PAK5: variants seen among roughly 807,000 people sequenced by gnomAD.
PAK5 encodes the protein serine/threonine-protein kinase PAK 5.
A neutral mutation model predicts 65.9 loss-of-function variants in PAK5; 16 were observed. That is an observed-to-expected ratio of 0.24 (90% CI 0.16 to 0.37). The LOEUF is 0.37. Ranked by LOEUF, PAK5 falls within the 10% of genes least tolerant of loss-of-function variation. PAK5 has a pLI of 1.00. For missense variants in PAK5, 785 were observed against 903.9 expected, an observed-to-expected ratio of 0.87 and a Z score of 1.69; for synonymous variants, 371 against 354.9, an observed-to-expected ratio of 1.05 and a Z score of -0.51.
chr20:9,567,800 G>A (rs1211801762), intron 4 of PAK5, among the ~76,000 whole-genome samples: 2 of 152,220 alleles, frequency 1.3e-5, no homozygotes, highest in Admixed American at 1.3e-4. Flanking sequence ...GTGTGTTTCA[G>A]TAGTAATGAA....
At chr20:9,602,245 C>T (rs2046373298) in intron 3 of PAK5, among the ~76,000 whole-genome samples, 1 of 150,652 alleles carries the variant, frequency 6.6e-6, no homozygotes, top group South Asian at 2.1e-4. Flanking sequence ...GAGCCGAGAT[C>T]ACACCACTGC....
chr20:9,793,249 C>G (rs2049068996), intron 1 of PAK5, among the ~76,000 whole-genome samples: 1 of 152,092 alleles, frequency 6.6e-6, no homozygotes, highest in Non-Finnish European at 1.5e-5. Context: ...ATATTATTGA[C>G]TTTATGAATC....
intron 2 of PAK5, among the ~76,000 whole-genome samples, chr20:9,672,580 C>G (rs2047514624): frequency 6.6e-6 from 1 of 151,992 alleles, no homozygotes; most frequent in African/African-American, 2.4e-5. Flanking sequence ...TAACTTTGCC[C>G]CTCCTTCACC....
intron 2 of PAK5, among the ~76,000 whole-genome samples, chr20:9,683,992 C>G (rs554983676): frequency 6.6e-6 from 1 of 152,306 alleles, no homozygotes; most frequent in Non-Finnish European, 1.5e-5. Flanking sequence ...ATAGATAGTT[C>G]TCTGCGGACA....
chr20:9,596,658 A>AAAAAAAAAC, intron 3 of PAK5, among the ~76,000 whole-genome samples: 1 of 150,662 alleles, frequency 6.6e-6, no homozygotes, highest in African/African-American at 2.5e-5. Context: ...AAAAAAAAAA[A>AAAAAAAAAC]AAGACTACAG....
intron 1 of PAK5, among the ~76,000 whole-genome samples, chr20:9,764,920 T>C (rs2048740105): frequency 6.6e-6 from 1 of 152,188 alleles, no homozygotes; most frequent in African/African-American, 2.4e-5. Context: ...CAGTACATCA[T>C]ATACCCACAG....
chr20:9,544,559 C>G (rs1338975820), intron 7 of PAK5, 65 bp from the exon 8 acceptor site: 2 of 1,458,712 alleles, frequency 1.4e-6, no homozygotes, highest in Admixed American at 3.4e-5. Flanking sequence ...CACGAAAATA[C>G]AAACATACAG....
chr20:9,819,949 G>T (rs1189854998), intron 1 of PAK5, among the ~76,000 whole-genome samples: 1 of 152,110 alleles, frequency 6.6e-6, no homozygotes, highest in Non-Finnish European at 1.5e-5. Context: ...AAATAAGATA[G>T]CTTGCCCAAG....
intron 1 of PAK5, among the ~76,000 whole-genome samples, chr20:9,796,070 A>T (rs1328111720): frequency 2.6e-5 from 4 of 152,102 alleles, no homozygotes; most frequent in Non-Finnish European, 4.4e-5. Context: ...AATAAATATT[A>T]TTCAGTCCCC....
chr20:9,635,352 G>GACCT (rs143403843), intron 3 of PAK5, among the ~76,000 whole-genome samples: 195 of 152,182 alleles, frequency 1.3e-3, no homozygotes, highest in African/African-American at 4.6e-3. Context: ...CTTGATCTGA[G>GACCT]ACCTGTGTCC....
intron 1 of PAK5, among the ~76,000 whole-genome samples, chr20:9,726,429 A>G (rs2048278292): frequency 6.6e-6 from 1 of 152,186 alleles, no homozygotes; most frequent in Non-Finnish European, 1.5e-5. Context: ...CTCTGTCTGT[A>G]TTTGTGATGG....
chr20:9,627,581 G>A (rs976497721), intron 3 of PAK5, among the ~76,000 whole-genome samples: 7 of 152,124 alleles, frequency 4.6e-5, no homozygotes, highest in Non-Finnish European at 1.0e-4. Flanking sequence ...ACCCACAAGT[G>A]AAAGAGACCT....
At chr20:9,634,924 A>G (rs1327074925) in intron 3 of PAK5, among the ~76,000 whole-genome samples, 1 of 152,166 alleles carries the variant, frequency 6.6e-6, no homozygotes, top group East Asian at 1.9e-4. Context: ...CTGGTTTTGC[A>G]AGTATAAAAA....
chr20:9,649,404 G>T (rs1020143988), intron 2 of PAK5, among the ~76,000 whole-genome samples: 3 of 152,190 alleles, frequency 2.0e-5, no homozygotes, highest in African/African-American at 7.2e-5. Flanking sequence ...GATGGTTTCA[G>T]TCACCCTATG....
At chr20:9,726,733 G>C (rs1432168239) in intron 1 of PAK5, among the ~76,000 whole-genome samples, 1 of 152,134 alleles carries the variant, frequency 6.6e-6, no homozygotes, top group Non-Finnish European at 1.5e-5. Context: ...TTAAAACCTA[G>C]ATGACGGGTT....
chr20:9,596,868 C>T (rs940053986), intron 3 of PAK5, among the ~76,000 whole-genome samples: 4 of 152,120 alleles, frequency 2.6e-5, no homozygotes, highest in African/African-American at 9.7e-5. Flanking sequence ...CACATAAATG[C>T]CCCAGGTATC....
chr20:9,556,618 A>G (rs188481843), intron 7 of PAK5, among the ~76,000 whole-genome samples: 11 of 152,202 alleles, frequency 7.2e-5, no homozygotes, highest in African/African-American at 2.7e-4. Flanking sequence ...AAACTCTTCC[A>G]TTTAACTAAG....
chr20:9,570,606 T>C (rs73895910), intron 4 of PAK5, among the ~76,000 whole-genome samples: 8,078 of 135,444 alleles, frequency 0.06, 740 homozygotes, highest in African/African-American at 0.22. Flanking sequence ...TAGTCAAGTC[T>C]AGGCTAGTCA....
intron 2 of PAK5, among the ~76,000 whole-genome samples, chr20:9,666,821 T>C (rs1425599190): frequency 6.6e-6 from 1 of 152,216 alleles, no homozygotes. Flanking sequence ...TGAGTATTGT[T>C]ACTATTCTTA....
Sources: gnomAD v4.1 joint callset for allele counts (sites outside exome capture counted in the v4.1 genomes callset) on GRCh38, gnomAD v4.1.1 for gene constraint, MANE v1.5 for transcripts, NCBI Gene and HGNC (gene_info 2026-07-23, HGNC 2026-07-21) for gene names.